Variants in KNL1 observed in about 807,000 individuals in gnomAD.
KNL1 encodes the protein outer kinetochore KNL1 complex subunit KNL1.
In KNL1, 66 loss-of-function variants were observed where a neutral mutation model predicts 201.3. That is an observed-to-expected ratio of 0.33 (90% CI 0.27 to 0.40). The LOEUF (loss-of-function observed/expected upper bound fraction) is 0.40, where lower values mean the gene tolerates loss of function less well. KNL1 is among the 10% of genes least tolerant of loss of function. The pLI is 1.00. For synonymous variants in KNL1, 895 were observed against 899.2 expected (o/e 1.00, Z 0.08); for missense variants, 2,815 against 2,690.5 (o/e 1.05, Z -1.02).
At chr15:40,617,721 A>G (rs1487184908) in intron 8 of KNL1, among the ~76,000 whole-genome samples, 2 of 152,122 alleles carry the variant, frequency 1.3e-5, no homozygotes, top group Non-Finnish European at 2.9e-5. Context: ...AAAGAGGCCA[A>G]ACTTTTTTTG....
At chr15:40,608,234 A>G (rs1892038246) in intron 4 of KNL1, among the ~76,000 whole-genome samples, 1 of 151,862 alleles carries the variant, frequency 6.6e-6, no homozygotes, top group Non-Finnish European at 1.5e-5. Context: ...AGCACTTTGG[A>G]AAGCTGAGGC....
Position 40,640,962 on chromosome 15 carries a change from T to C in KNL1, c.5733T>C (p.Tyr1911=). 5 of 1,613,526 alleles carry C rather than the reference T, an allele frequency of 3.1e-6. No individual in the cohort carries two copies. Among genetic ancestry groups the C allele is most frequent in the Non-Finnish European group, 3.4e-6 (4 of 1,179,764 alleles). The part of the protein sequence containing the change: ...PTPEDLMLSQ[Y]VYRPKIQIYR... ...CAGAAGACCTGATGTTAAGTCAATA[T>C]GTTTACCGACCCAAGATACAGATTT... is the stretch of plus-strand genomic sequence containing the variant. The change falls in exon 14 of 26, where the codon TAT becomes TAC. Residue 1911 remains tyrosine (Y), a synonymous_variant. Transcript: ENST00000399668.
chr15:40,647,466 T>C (rs1014465764), intron 17 of KNL1, among the ~76,000 whole-genome samples: 1 of 151,820 alleles, frequency 6.6e-6, no homozygotes, highest in Non-Finnish European at 1.5e-5. Context: ...AGAGCGAGAC[T>C]CCATCTCAAA....
At position 40,622,260 on chromosome 15, in the gene KNL1, A is replaced by G; in HGVS notation, c.1996A>G (p.Ile666Val). 2 of 1,614,032 alleles carry G rather than the reference A, an allele frequency of 1.2e-6. No individual in the cohort carries two copies. Among genetic ancestry groups the G allele is most frequent in the Non-Finnish European group, 1.7e-6 (2 of 1,179,958 alleles). ...SPQSADCNQE[I>V]ATSHNIVYCG... ...TCAGTCAGCTGATTGTAATCAGGAG[A>G]TAGCAACAAGCCATAATATAGTCTA... is the stretch of plus-strand genomic sequence containing the variant. Residue 666 changes from isoleucine (I) to valine (V), a missense_variant, in exon 10 of 26, where the codon ATA becomes GTA. Ile to Val is a conservative substitution (Grantham distance 29). Around this residue, in one of 3 missense-constraint regions of KNL1, gnomAD observed 2,464 missense variants for 2,291.7 expected, o/e 1.08. Coordinates refer to ENST00000399668, the MANE Select transcript of KNL1 (RefSeq NM_144508.5).
At chr15:40,614,986 C>T (rs1305328783) in intron 7 of KNL1, among the ~76,000 whole-genome samples, 2 of 152,144 alleles carry the variant, frequency 1.3e-5, no homozygotes, top group Non-Finnish European at 2.9e-5. Context: ...CAGCCCTGGA[C>T]TTCAGGTCTC....
intron 4 of KNL1, among the ~76,000 whole-genome samples, 171 bp downstream of exon 4, chr15:40,606,623 GCATCTCCCTCTCTTA>G (rs1372282418): frequency 6.6e-6 from 1 of 152,096 alleles, no homozygotes; most frequent in Non-Finnish European, 1.5e-5. Flanking sequence ...TCTAGGAATG[GCATCTCCCTCTCTTA>G]CCCAGGTTGG....
chr15:40,625,725 A>T (rs1366079722), intron 10 of KNL1, 85 bp downstream of exon 10: 1 of 1,045,100 alleles, frequency 9.6e-7, no homozygotes, highest in South Asian at 1.4e-5. Flanking sequence ...TCAAATTTTA[A>T]TCTTAGTCTC....
In KNL1 at chr15:40,622,558, C is replaced by A; in HGVS notation, c.2294C>A (p.Thr765Lys). 1 of 1,613,610 alleles carries A rather than the reference C, an allele frequency of 6.2e-7. No individual in the cohort carries two copies. Among genetic ancestry groups the A allele is most frequent in the African/African-American group, 1.3e-5 (1 of 74,994 alleles). Reference sequence around the variant, plus strand: ...GAGGAAGAGCAAAATATGGATCTAACAAAGAGCCACACTGTCGTCATTGGA... The same window carrying A: ...GAGGAAGAGCAAAATATGGATCTAAAAAAGAGCCACACTGTCGTCATTGGA... ...CSEEEQNMDL[T>K]KSHTVVIGFG... Residue 765 changes from threonine (T) to lysine (K), a missense_variant, in exon 10 of 26, where the codon ACA (threonine) becomes AAA (lysine). Coordinates refer to ENST00000399668, the MANE Select transcript of KNL1 (RefSeq NM_144508.5).
rs200700411 is a variant in KNL1 at position 40,645,015 on chromosome 15, G to A, written c.5817G>A (p.Ser1939=). 1.1e-4 allele frequency: 177 copies of A among 1,610,538 alleles called. No homozygotes were observed. Among genetic ancestry groups the A allele is most frequent in the Non-Finnish European group, 1.4e-4 (166 of 1,177,866 alleles). ...QKIEELKLSA[S]NQDKLLVDIN... ...ATTTTAGATTAAAGCTTTCTGCATC[G>A]AACCAAGATAAGCTGTTGGTTGATA... Residue 1939 remains serine, a synonymous_variant, in exon 15 of 26, where the codon TCG becomes TCA. Transcript: ENST00000399668.
At chr15:40,628,712 TAAAGA>T in intron 12 of KNL1, 34 bp downstream of exon 12, 2 of 1,400,704 alleles carry the variant, frequency 1.4e-6, no homozygotes, top group South Asian at 1.3e-5. Flanking sequence ...TTTTTATTTA[TAAAGA>T]AAAGAGGTTT....
chr15:40,657,553 T>A lies in KNL1; in HGVS notation c.6713+80T>A, dbSNP rs1043506922. 1.1e-4 allele frequency: 82 copies of A among 760,524 alleles called. No homozygotes were observed. In the Admixed American group the frequency reaches 1.6e-3, roughly 15 times the overall value. The allele number at this position is 760,524 out of a possible 1,614,324, so 47.1% of individuals were successfully genotyped here. A position where few individuals can be genotyped will look rare whatever the true frequency, so the allele number is the denominator to read the frequency against. Reference sequence around the variant, plus strand: ...CTTAACAGGTTCTGGAGGCTGGAGGTCTGAGATTAAGGTGTAAGCGGGTGT... The same window carrying A: ...CTTAACAGGTTCTGGAGGCTGGAGGACTGAGATTAAGGTGTAAGCGGGTGT... On this transcript the variant is annotated intron_variant, in intron 24 of 25. Coordinates refer to ENST00000399668, the MANE Select transcript of KNL1 (RefSeq NM_144508.5).
At chr15:40,610,602 T>C (rs778363699) in intron 6 of KNL1, among the ~76,000 whole-genome samples, 1 of 152,022 alleles carries the variant, frequency 6.6e-6, no homozygotes, top group Non-Finnish European at 1.5e-5. Flanking sequence ...GAGGCTGAGG[T>C]GAGAGGATCA....
intron 14 of KNL1, 29 bp from the exon 15 acceptor site, chr15:40,644,968 C>T (rs759831333): frequency 2.1e-6 from 3 of 1,419,726 alleles, no homozygotes; most frequent in South Asian, 2.3e-5. Flanking sequence ...CTTTTCCCTA[C>T]AGTGCTAATT....
Position 40,625,114 on chromosome 15 carries a change from A to G in KNL1, c.4850A>G (p.Asp1617Gly). 6.2e-7 allele frequency: 1 copy of G among 1,614,086 alleles called. No individual in the cohort carries two copies. Among genetic ancestry groups the G allele is most frequent in the Non-Finnish European group, 8.5e-7 (1 of 1,179,976 alleles). The change falls in exon 10 of 26, where the codon GAT (aspartate) becomes GGT (glycine). Residue 1617 changes from aspartate (D) to glycine (G), a missense_variant. Around this residue, in one of 3 missense-constraint regions of KNL1, gnomAD observed 2,464 missense variants for 2,291.7 expected, o/e 1.08. Transcript: ENST00000399668. ...NINIISSNAKDSRDEENKKSH... is the reference protein window; with the variant it reads ...NINIISSNAKGSRDEENKKSH... ...AACATAATCTCCAGCAATGCTAAAG[A>G]TAGTAGAGATGAGGAAAATAAAAAG...
At chr15:40,594,559 C>G (rs944526494) in intron 1 of KNL1, among the ~76,000 whole-genome samples, 167 bp downstream of exon 1, 1 of 152,188 alleles carries the variant, frequency 6.6e-6, no homozygotes, top group African/African-American at 2.4e-5. Context: ...CACACTGTGC[C>G]CTTTTTCCCC....
rs988445546 is a variant in KNL1, at chr15:40,664,267, T to G, written c.*2079T>G. On this transcript the variant is annotated 3_prime_UTR_variant, in exon 26 of 26. Coordinates refer to ENST00000399668, the MANE Select transcript of KNL1 (RefSeq NM_144508.5). ...CAAGGTATTGACTAGTTTCATAAAT[T>G]TTTTGAAAGTTTTTCTTTCATTGGT... 5.6e-6 allele frequency: 1 copy of G among 177,348 alleles called. No individual in the cohort carries two copies. Among genetic ancestry groups the G allele is most frequent in the African/African-American group, 2.4e-5 (1 of 42,252 alleles). The allele number at this position is 177,348 out of a possible 1,614,324, so 11.0% of individuals were successfully genotyped here. A position where few individuals can be genotyped will look rare whatever the true frequency, so the allele number is the denominator to read the frequency against.
chr15:40,608,120 T>G (rs1475139691), intron 4 of KNL1, among the ~76,000 whole-genome samples: 1 of 152,042 alleles, frequency 6.6e-6, no homozygotes, highest in Non-Finnish European at 1.5e-5. Flanking sequence ...CATTCAGCCT[T>G]GAAAAAAAGA....
At position 40,624,928 on chromosome 15, in the gene KNL1, A is replaced by G. The variant is rs752901392; in HGVS notation, c.4664A>G (p.His1555Arg). ...ATTACATCTAATGTTCCATGTTTTC[A>G]TAGTATCAAACCAAATCTGAATAAT... ...PVITSNVPCF[H>R]SIKPNLNNLN... Residue 1555 changes from histidine to arginine, a missense_variant, in exon 10 of 26, where the codon CAT (histidine) becomes CGT (arginine). His to Arg is a conservative substitution (Grantham distance 29). This residue lies in a region of KNL1 where 2,464 missense variants were observed against 2,291.7 expected (regional missense o/e 1.08). Coordinates refer to ENST00000399668, the MANE Select transcript of KNL1 (RefSeq NM_144508.5). The G allele has an allele frequency of 4.3e-6, 7 of 1,613,476 alleles. No homozygotes were observed. In the Admixed American group the frequency reaches 6.7e-5, roughly 15 times the overall value.
rs1567024337 is a variant in KNL1, at chr15:40,659,409, T to C, written c.6784T>C (p.Tyr2262His). Residue 2262 changes from tyrosine to histidine, a missense_variant, in exon 25 of 26, where the codon TAT (tyrosine) becomes CAT (histidine). Tyr to His is a moderately conservative substitution (Grantham distance 83, BLOSUM62 2). Transcript: ENST00000399668. ...FEITLFLSAY[Y>H]PSVPLPSTIQ... ...AATAACTTTGTTTCTCTCAGCCTAT[T>C]ATCCATCTGTACCATTACCTTCCAC... 1 of 1,613,758 alleles carries C rather than the reference T, an allele frequency of 6.2e-7. No individual in the cohort carries two copies. The highest frequency in any genetic ancestry group is 8.5e-7 in the Non-Finnish European group (1 of 1,179,618).
Sources: gnomAD v4.1 joint callset for allele counts (sites outside exome capture counted in the v4.1 genomes callset) on GRCh38, gnomAD v4.1.1 for gene constraint, gnomAD v4.1.1 regional missense constraint, MANE v1.5 for transcripts, NCBI Gene and HGNC (gene_info 2026-07-23, HGNC 2026-07-21) for gene names.